NASP: variants seen among roughly 807,000 people sequenced by gnomAD.
NASP encodes nuclear autoantigenic sperm protein.
In NASP, 24 loss-of-function variants were observed where a neutral mutation model predicts 89.5. That is an observed-to-expected ratio of 0.27 (90% CI 0.19 to 0.38). The LOEUF is 0.38. NASP is among the 10% of genes least tolerant of loss of function. NASP has a pLI of 1.00. For missense variants in NASP, 848 were observed against 921.4 expected, an observed-to-expected ratio of 0.92 and a Z score of 1.03; for synonymous variants, 306 against 324.7, an observed-to-expected ratio of 0.94 and a Z score of 0.62.
chr1:45,615,485 A>AT lies in NASP; in HGVS notation c.2022+14_2022+15insT. On this transcript the variant is annotated intron_variant, in intron 11 of 14. Coordinates refer to ENST00000350030, the MANE Select transcript of NASP (RefSeq NM_002482.4). ...AAAGCTACTCTGGTTGGTTCCGTTA[A>AT]CATTTTGATAATAGCATGTTTGGTA... 1 of 1,598,252 alleles carries AT rather than the reference A, an allele frequency of 6.3e-7. No homozygotes were observed. Among genetic ancestry groups the AT allele is most frequent in the Non-Finnish European group, 8.5e-7 (1 of 1,174,536 alleles).
At chr1:45,588,983 G>GTT (rs1286975352) in intron 1 of NASP, 2 of 168,524 alleles carry the variant, frequency 1.2e-5, no homozygotes, top group Non-Finnish European at 2.6e-5. Flanking sequence ...TTGTTTGTTT[G>GTT]TGAGTGTTTA....
chr1:45,614,225 G>A (rs1283869175), intron 8 of NASP, 44 bp downstream of exon 8: 1 of 1,597,164 alleles, frequency 6.3e-7, no homozygotes, highest in Non-Finnish European at 8.6e-7. Context: ...GAGTTTGGTG[G>A]TTAAATAGAA....
chr1:45,586,291 GTGTGT>G (rs1557646616), intron 1 of NASP, among the ~76,000 whole-genome samples: 37 of 98,360 alleles, frequency 3.8e-4, no homozygotes, highest in African/African-American at 1.2e-3. Context: ...TGTGGTGTGT[GTGTGT>G]GTGTGTGTGT....
chr1:45,611,187 ACTTCAT>A (rs1198198281), intron 6 of NASP: 1 of 152,184 alleles, frequency 6.6e-6, no homozygotes, highest in African/African-American at 2.4e-5. Flanking sequence ...AAAAGTAAAT[ACTTCAT>A]CTTCCCAATT....
intron 1 of NASP, 138 bp downstream of exon 1, chr1:45,584,343 C>A: frequency 1.3e-6 from 1 of 748,224 alleles, no homozygotes. Flanking sequence ...TCGGGAAGGC[C>A]TGGTCACTGG....
chr1:45,613,398 C>T (rs921145684), intron 7 of NASP, 150 bp downstream of exon 7: 8 of 865,376 alleles, frequency 9.2e-6, no homozygotes, highest in African/African-American at 1.8e-5. Flanking sequence ...ATCGCCTCAC[C>T]TCAGCCTCTC....
In NASP at chr1:45,587,661, C is replaced by CATATATATATAT. The variant is rs1553169239; in HGVS notation, c.59+3472_59+3483dup. On this transcript the variant is annotated intron_variant, in intron 1 of 14. Coordinates refer to ENST00000350030, the MANE Select transcript of NASP (RefSeq NM_002482.4). The stretch of plus-strand genomic sequence containing the variant: ...CTATGAGGTTTGTCTTGAGTTTTTT[C>CATATATATATAT]ATATATATATATATATATATATATA... Among the ~76,000 whole-genome samples the CATATATATATAT allele has an allele frequency of 1.7e-3, 11 of 6,388 alleles. No individual in the cohort carries two copies. In the South Asian group the frequency reaches 0.031, roughly 18 times the overall value. The allele number at this position is 6,388 out of a possible 152,430, so 4.2% of individuals were successfully genotyped here.
rs146635012 is a variant in NASP, at chr1:45,586,036, G to C, written c.59+1831G>C. On this transcript the variant is annotated intron_variant, in intron 1 of 14. Coordinates refer to ENST00000350030, the MANE Select transcript of NASP (RefSeq NM_002482.4). ...CAGAGTTAGGTCATTAGTGAATTTA[G>C]TTTCCTGGCAGGTTATACATAGAGA... Among the ~76,000 whole-genome samples, 305 of 152,196 alleles carry C rather than the reference G, an allele frequency of 2.0e-3. 1 individual carries two copies. The highest frequency in any genetic ancestry group is 7.0e-3 in the African/African-American group (291 of 41,518).
At chr1:45,594,517 A>G (rs988416003) in intron 2 of NASP, among the ~76,000 whole-genome samples, 3 of 152,144 alleles carry the variant, frequency 2.0e-5, no homozygotes, top group African/African-American at 7.2e-5. Context: ...AGTGCTTGAT[A>G]TGTAATCATC....
intron 2 of NASP, among the ~76,000 whole-genome samples, chr1:45,597,433 A>G (rs1345130096): frequency 6.6e-6 from 1 of 150,978 alleles, no homozygotes; most frequent in Non-Finnish European, 1.5e-5. Flanking sequence ...ATCAAGTCAG[A>G]TATTCCTGTA....
intron 3 of NASP, among the ~76,000 whole-genome samples, chr1:45,603,191 T>G (rs1643872894): frequency 1.3e-5 from 2 of 152,198 alleles, no homozygotes; most frequent in Admixed American, 1.3e-4. Flanking sequence ...AAGACTTTAA[T>G]GTACCTCCAT....
chr1:45,598,743 T>C (rs1017784591), intron 2 of NASP, among the ~76,000 whole-genome samples: 12 of 152,366 alleles, frequency 7.9e-5, no homozygotes, highest in Middle Eastern at 3.4e-3. Flanking sequence ...TTTCCTTCAG[T>C]TGACTTTTTA....
At chr1:45,595,050 TG>T (rs1216657214) in intron 2 of NASP, among the ~76,000 whole-genome samples, 1 of 151,752 alleles carries the variant, frequency 6.6e-6, no homozygotes, top group East Asian at 1.9e-4. Context: ...TGGAGTACAG[TG>T]GGTCCTGATC....
At chr1:45,609,650 AT>A (rs1341897104) in intron 6 of NASP, 1 of 152,208 alleles carries the variant, frequency 6.6e-6, no homozygotes, top group East Asian at 1.9e-4. Flanking sequence ...TCCCTTACAG[AT>A]TGTTCGAAAA....
rs1570949334 is a variant in NASP, at chr1:45,589,767, G to A, written c.60-1456G>A. Among the ~76,000 whole-genome samples the A allele has an allele frequency of 2.0e-5, 3 of 152,042 alleles. No individual in the cohort carries two copies. The South Asian group carries it at 6.2e-4, about 32-fold the overall frequency. On this transcript the variant is annotated intron_variant, in intron 1 of 14. Transcript: ENST00000350030. ...AACAGAAAAATTAGCCAGGCGTGGT[G>A]GTGGGCGCCTGTAATCCCAGCTACT...
chr1:45,590,283 G>C (rs896150601), intron 1 of NASP, among the ~76,000 whole-genome samples: 15 of 152,202 alleles, frequency 9.9e-5, no homozygotes, highest in Admixed American at 7.2e-4. Context: ...GGTGGCTCAC[G>C]CCTGTATTCC....
rs1644076752 is a variant in NASP, at chr1:45,614,897, A to T, written c.1667-116A>T. 8 of 926,554 alleles carry T rather than the reference A, an allele frequency of 8.6e-6. No individual in the cohort carries two copies. In the East Asian group the frequency reaches 2.1e-4, roughly 25 times the overall value. The allele number at this position is 926,554 out of a possible 1,614,324, so 57.4% of individuals were successfully genotyped here. A position where few individuals can be genotyped will look rare whatever the true frequency, so the allele number is the denominator to read the frequency against. On this transcript the variant is annotated intron_variant, in intron 9 of 14. Coordinates refer to ENST00000350030, the MANE Select transcript of NASP (RefSeq NM_002482.4). ...ATAGCCAAGGGTCCTGGAAATAACTATAAACAAAAATGGAATGTTAAATAT... is the reference window on the plus strand; with the variant it reads ...ATAGCCAAGGGTCCTGGAAATAACTTTAAACAAAAATGGAATGTTAAATAT...
At chr1:45,611,411 A>C (rs1644005975) in intron 6 of NASP, 1 of 151,070 alleles carries the variant, frequency 6.6e-6, no homozygotes, top group South Asian at 2.1e-4. Flanking sequence ...TACCATCTTC[A>C]AGGAATGGTG....
rs933091763 is a variant in NASP at position 45,615,375 on chromosome 1, A to G, written c.1926A>G (p.Leu642=). 6.2e-7 allele frequency: 1 copy of G among 1,614,222 alleles called. No individual in the cohort carries two copies. The change falls in exon 11 of 15, where the codon CTA becomes CTG. Residue 642 remains leucine (L), a synonymous_variant. Coordinates refer to ENST00000350030, the MANE Select transcript of NASP (RefSeq NM_002482.4). Reference sequence around the variant, plus strand: ...AATACAAGAAAGAAATTGAGGAACTAAAGGAACTGCTACCCGAAATTAGAG... The same window carrying G: ...AATACAAGAAAGAAATTGAGGAACTGAAGGAACTGCTACCCGAAATTAGAG... The part of the protein sequence containing the change: ...SAEYKKEIEE[L]KELLPEIREK...
Sources: gnomAD v4.1 joint callset for allele counts (sites outside exome capture counted in the v4.1 genomes callset) on GRCh38, gnomAD v4.1.1 for gene constraint, MANE v1.5 for transcripts, NCBI Gene and HGNC (gene_info 2026-07-23, HGNC 2026-07-21) for gene names.